Variants in BICD1 observed in about 807,000 individuals in gnomAD.
BICD1 encodes the protein protein bicaudal D homolog 1.
Under a neutral mutation model 92.5 loss-of-function variants are expected in BICD1, and 35 were observed. That is an observed-to-expected ratio of 0.38 (90% confidence interval 0.29 to 0.50). BICD1 has a LOEUF of 0.50. Among genes scored for constraint, BICD1 ranks in the 20% least tolerant of loss-of-function variants. The pLI is 0.93. For missense variants in BICD1, 950 were observed against 1,189.8 expected, an observed-to-expected ratio of 0.80 and a Z score of 2.97; for synonymous variants, 429 against 465.1, an observed-to-expected ratio of 0.92 and a Z score of 1.00.
At chr12:32,293,312 T>G (rs1368499115) in intron 2 of BICD1, among the ~76,000 whole-genome samples, 2 of 152,104 alleles carry the variant, frequency 1.3e-5, no homozygotes, top group Non-Finnish European at 2.9e-5. Flanking sequence ...ATAAAGTTTC[T>G]CCTCATTCTT....
At chr12:32,289,867 A>C (rs897894371) in intron 2 of BICD1, among the ~76,000 whole-genome samples, 2 of 152,244 alleles carry the variant, frequency 1.3e-5, no homozygotes, top group Non-Finnish European at 2.9e-5. Flanking sequence ...AATTCATAGA[A>C]GCCTTTGGTA....
chr12:32,372,042 A>C (rs1470428854), intron 9 of BICD1, among the ~76,000 whole-genome samples: 1 of 152,226 alleles, frequency 6.6e-6, no homozygotes, highest in African/African-American at 2.4e-5. Flanking sequence ...TTACACTGTG[A>C]GGAGCAAAGT....
At chr12:32,316,871 A>G (rs1948518611) in intron 4 of BICD1, among the ~76,000 whole-genome samples, 1 of 151,808 alleles carries the variant, frequency 6.6e-6, no homozygotes, top group African/African-American at 2.4e-5. Context: ...CCACCCCACA[A>G]CAGTCCCCGG....
chr12:32,113,331 GTAT>G (rs1252522239), intron 1 of BICD1, among the ~76,000 whole-genome samples: 1 of 152,164 alleles, frequency 6.6e-6, no homozygotes, highest in Non-Finnish European at 1.5e-5. Context: ...ACAAAGGAAG[GTAT>G]TATGGGGCAG....
chr12:32,311,541 G>T (rs189684380), intron 4 of BICD1, among the ~76,000 whole-genome samples: 1 of 152,264 alleles, frequency 6.6e-6, no homozygotes, highest in African/African-American at 2.4e-5. Context: ...GGTTCAGAAA[G>T]GTGGGACAGC....
chr12:32,210,726 C>T (rs2121549815), intron 1 of BICD1, among the ~76,000 whole-genome samples: 1 of 152,234 alleles, frequency 6.6e-6, no homozygotes, highest in East Asian at 1.9e-4. Flanking sequence ...TTATTTTAAA[C>T]AAAAATTACC....
intron 1 of BICD1, among the ~76,000 whole-genome samples, chr12:32,178,675 C>A (rs1473094118): frequency 6.6e-6 from 1 of 152,034 alleles, no homozygotes; most frequent in African/African-American, 2.4e-5. Flanking sequence ...CCGGGCTGTT[C>A]TATCTAGTGG....
Position 32,337,647 on chromosome 12 carries a change from C to A in BICD1, c.2401C>A (p.His801Asn). 1 of 1,614,130 alleles carries A rather than the reference C, an allele frequency of 6.2e-7. No individual in the cohort carries two copies. The highest frequency in any genetic ancestry group is 2.2e-5 in the East Asian group (1 of 44,860). Residue 801 changes from histidine (H) to asparagine (N), a missense_variant, in exon 7 of 10, where the codon CAT becomes AAT. His to Asn is a moderately conservative substitution (Grantham distance 68). Around this residue, in one of 5 missense-constraint regions of BICD1, gnomAD observed 309 missense variants for 499.4 expected, o/e 0.62. Transcript: ENST00000652176. This position sits in a 1 kb window ranked among gnomAD's most constrained non-coding sequence, Gnocchi z 4.7. ...TQRLEDLEFD[H>N]EQSRRSKGKL... ...GAGGCTGGAGGACTTAGAGTTTGAC[C>A]ATGAGCAGTCCCGACGCAGCAAAGG...
At chr12:32,117,073 G>A (rs1860128848) in intron 1 of BICD1, among the ~76,000 whole-genome samples, 1 of 152,142 alleles carries the variant, frequency 6.6e-6, no homozygotes, top group African/African-American at 2.4e-5. Context: ...GTCACTGGGA[G>A]CCAGATTTTG....
At chr12:32,175,561 C>G (rs1243889340) in intron 1 of BICD1, among the ~76,000 whole-genome samples, 1 of 152,184 alleles carries the variant, frequency 6.6e-6, no homozygotes, top group East Asian at 1.9e-4. Context: ...GGGTGATCCA[C>G]CCACCTCGGC....
chr12:32,364,432 A>C (rs16919801), intron 8 of BICD1, among the ~76,000 whole-genome samples: 9,485 of 152,180 alleles, frequency 0.062, 353 homozygotes, highest in South Asian at 0.13. Flanking sequence ...TCATTTTACA[A>C]AGTACATCCT....
chr12:32,109,519 A>T (rs1017780490), intron 1 of BICD1: 2 of 151,896 alleles, frequency 1.3e-5, no homozygotes, highest in Admixed American at 6.6e-5. Context: ...ACCAACTAAA[A>T]TTTTTTCTAT....
intron 2 of BICD1, among the ~76,000 whole-genome samples, chr12:32,265,317 T>C (rs161981): frequency 0.58 from 88,504 of 151,936 alleles, 26,241 homozygotes; most frequent in African/African-American, 0.69. Flanking sequence ...TCATCATGGC[T>C]AGAAGCAGTT....
chr12:32,289,616 C>T lies in BICD1; in HGVS notation c.427-4378C>T, dbSNP rs186099274. Among the ~76,000 whole-genome samples, 5 of 152,354 alleles carry T rather than the reference C, an allele frequency of 3.3e-5. No individual in the cohort carries two copies. In the East Asian group the frequency reaches 9.6e-4, roughly 29 times the overall value. On this transcript the variant is annotated intron_variant, in intron 2 of 9. Coordinates refer to ENST00000652176, the MANE Select transcript of BICD1 (RefSeq NM_001714.4). Reference sequence around the variant, plus strand: ...GGCCAGGATGGTTTGATCTCTCGAACTTGTGATCCGCCCACCTTGGCCTCC... The same window carrying T: ...GGCCAGGATGGTTTGATCTCTCGAATTTGTGATCCGCCCACCTTGGCCTCC...
At chr12:32,370,066 C>T (rs557963804) in intron 9 of BICD1, among the ~76,000 whole-genome samples, 31 of 152,148 alleles carry the variant, frequency 2.0e-4, no homozygotes, top group South Asian at 2.1e-4. Context: ...GCACTAATTT[C>T]GGTTAGAAAT....
chr12:32,107,665 C>T, intron 1 of BICD1, 121 bp downstream of exon 1: 8 of 1,084,166 alleles, frequency 7.4e-6, no homozygotes, highest in Non-Finnish European at 9.5e-6. Flanking sequence ...CTTCTAGGGC[C>T]CTTTGTTGGT....
At chr12:32,108,337 G>C (rs1219159204) in intron 1 of BICD1, 17 of 229,710 alleles carry the variant, frequency 7.4e-5, no homozygotes, top group African/African-American at 3.4e-4. Context: ...GATGTATAAT[G>C]TCTCTTTAGT....
chr12:32,365,463 T>C (rs1347745370), intron 8 of BICD1, among the ~76,000 whole-genome samples: 1 of 152,212 alleles, frequency 6.6e-6, no homozygotes, highest in African/African-American at 2.4e-5. Context: ...AAGTCAAATA[T>C]ATGAGATATT....
chr12:32,366,380 G>A (rs1251175629), intron 8 of BICD1, among the ~76,000 whole-genome samples: 1 of 152,238 alleles, frequency 6.6e-6, no homozygotes, highest in Non-Finnish European at 1.5e-5. Context: ...AGCACTTTGG[G>A]AGGCCGAGGC....
Sources: allele counts gnomAD v4.1 joint callset (sites outside exome capture counted in the v4.1 genomes callset), GRCh38; gene constraint gnomAD v4.1.1; regional missense constraint gnomAD v4.1.1; non-coding constraint Gnocchi (gnomAD v3.1); transcripts MANE v1.5; gene names NCBI Gene and HGNC (gene_info 2026-07-23, HGNC 2026-07-21).